ZNF385D: variants seen among roughly 807,000 people sequenced by gnomAD.
ZNF385D encodes zinc finger protein 659.
Under a neutral mutation model 35.8 loss-of-function variants are expected in ZNF385D, and 15 were observed. That is an observed-to-expected ratio of 0.42 (90% CI 0.28 to 0.64). The LOEUF (loss-of-function observed/expected upper bound fraction) is 0.64, where lower values mean the gene tolerates loss of function less well. ZNF385D is among the 30% of genes least tolerant of loss of function. The pLI, the probability that ZNF385D is intolerant of heterozygous loss-of-function variation, is 0.23. For missense variants in ZNF385D, 474 were observed against 494.6 expected (o/e 0.96, Z 0.39); for synonymous variants, 212 against 186.8 (o/e 1.13, Z -1.10).
In ZNF385D at chr3:21,812,973, TG is replaced by T. The variant is rs578215629; in HGVS notation, c.326-147946del. 2.1e-3 allele frequency among the ~76,000 whole-genome samples: 325 copies of T among 152,222 alleles called. 1 individual carries two copies. The highest frequency in any genetic ancestry group is 3.0e-3 in the Non-Finnish European group (204 of 67,992). ...CGGGCCAACTGACACCTCATACAGC[TG>T]GGTGCGCCTCTGAGATGAAGCTTCC... On this transcript the variant is annotated intron_variant, in intron 3 of 5. Transcript: ENST00000494108.
chr3:21,875,372 A>G (rs1249022863), intron 3 of ZNF385D, among the ~76,000 whole-genome samples: 1 of 151,636 alleles, frequency 6.6e-6, no homozygotes, highest in Non-Finnish European at 1.5e-5. Context: ...TTCTTCTTTC[A>G]TTGTTTTTCT....
At chr3:22,295,932 G>T (rs1702552677) in intron 2 of ZNF385D, among the ~76,000 whole-genome samples, 1 of 152,006 alleles carries the variant, frequency 6.6e-6, no homozygotes, top group Admixed American at 6.6e-5. Context: ...AAAAGAAACA[G>T]GAGAAAGTCG....
At chr3:21,629,510 C>A (rs534388746) in intron 2 of ZNF385D, among the ~76,000 whole-genome samples, 2 of 152,282 alleles carry the variant, frequency 1.3e-5, no homozygotes, top group South Asian at 2.1e-4. Context: ...AAAATGACTA[C>A]TTGCCCAAGT....
chr3:22,307,681 TTTAC>T (rs1703305521), intron 2 of ZNF385D, among the ~76,000 whole-genome samples: 1 of 151,946 alleles, frequency 6.6e-6, no homozygotes, highest in African/African-American at 2.4e-5. Context: ...AAGATATTTA[TTTAC>T]TTGTTTGTTC....
intron 3 of ZNF385D, among the ~76,000 whole-genome samples, chr3:21,920,446 T>C (rs1373508371): frequency 6.6e-6 from 1 of 152,128 alleles, no homozygotes; most frequent in African/African-American, 2.4e-5. Flanking sequence ...TGTACAGATA[T>C]TACAGACAGA....
chr3:22,301,950 A>G (rs1474494834), intron 2 of ZNF385D, among the ~76,000 whole-genome samples: 3 of 151,968 alleles, frequency 2.0e-5, no homozygotes, highest in African/African-American at 4.8e-5. Flanking sequence ...TCTTCTTCAT[A>G]TTGTTTCACT....
intron 2 of ZNF385D, among the ~76,000 whole-genome samples, chr3:22,171,113 T>TG (rs34172756): frequency 0.39 from 59,054 of 151,924 alleles, 11,981 homozygotes; most frequent in African/African-American, 0.51. Context: ...CCATTTATTA[T>TG]GAAAAAATAA....
chr3:22,038,399 C>T (rs1698465311), intron 3 of ZNF385D, among the ~76,000 whole-genome samples: 1 of 152,128 alleles, frequency 6.6e-6, no homozygotes, highest in South Asian at 2.1e-4. Flanking sequence ...CCTAATTTTT[C>T]TTGGCCTCAG....
At chr3:22,163,987 C>A (rs1025932720) in intron 3 of ZNF385D, among the ~76,000 whole-genome samples, 1 of 152,060 alleles carries the variant, frequency 6.6e-6, no homozygotes, top group Non-Finnish European at 1.5e-5. Context: ...AACAAATGAC[C>A]ACTAATAACT....
intron 4 of ZNF385D, among the ~76,000 whole-genome samples, chr3:21,437,707 A>AAAAAAAAAAAAAAAAAAAAAAAAC (rs1701636879): frequency 7.2e-6 from 1 of 138,184 alleles, no homozygotes; most frequent in Non-Finnish European, 1.5e-5. Flanking sequence ...TATACAAAAA[A>AAAAAAAAAAAAAAAAAAAAAAAAC]AAAAAAAAAA....
intron 2 of ZNF385D, among the ~76,000 whole-genome samples, chr3:22,330,457 T>C (rs1694882788): frequency 6.6e-6 from 1 of 152,210 alleles, no homozygotes; most frequent in African/African-American, 2.4e-5. Context: ...TGAGTTATTT[T>C]TGTTGATGTC....
At chr3:22,331,879 G>A (rs965956042) in intron 2 of ZNF385D, among the ~76,000 whole-genome samples, 2 of 152,090 alleles carry the variant, frequency 1.3e-5, no homozygotes, top group Admixed American at 1.3e-4. Context: ...AATTTCTATA[G>A]TAACTTTCAA....
At chr3:22,201,110 G>GT (rs1347714307) in intron 2 of ZNF385D, among the ~76,000 whole-genome samples, 1 of 152,164 alleles carries the variant, frequency 6.6e-6, no homozygotes, top group Non-Finnish European at 1.5e-5. Flanking sequence ...GATTGGGGAA[G>GT]TGATAAGTGT....
At chr3:22,109,572 G>GT (rs1314793959) in intron 3 of ZNF385D, among the ~76,000 whole-genome samples, 1 of 152,188 alleles carries the variant, frequency 6.6e-6, no homozygotes, top group Non-Finnish European at 1.5e-5. Flanking sequence ...AGATGAAGAA[G>GT]TGAAGGTGAA....
chr3:22,049,310 A>AATAAAATAAAATAAC (rs1201292762), intron 3 of ZNF385D, among the ~76,000 whole-genome samples: 4 of 151,498 alleles, frequency 2.6e-5, no homozygotes, highest in Non-Finnish European at 5.9e-5. Flanking sequence ...AATAAAATAA[A>AATAAAATAAAATAAC]ATAAAATAAA....
intron 2 of ZNF385D, among the ~76,000 whole-genome samples, chr3:22,177,596 T>C (rs890412847): frequency 1.3e-5 from 2 of 152,176 alleles, no homozygotes; most frequent in African/African-American, 4.8e-5. Flanking sequence ...TTTTTTATTA[T>C]TATACTTTTA....
At chr3:21,453,317 TC>T (rs1166045082) in intron 4 of ZNF385D, among the ~76,000 whole-genome samples, 1 of 151,956 alleles carries the variant, frequency 6.6e-6, no homozygotes, top group Admixed American at 6.6e-5. Context: ...GGCAATGGTT[TC>T]TTAAAATGGA....
At chr3:21,963,457 T>C (rs1238179169) in intron 3 of ZNF385D, among the ~76,000 whole-genome samples, 2 of 152,184 alleles carry the variant, frequency 1.3e-5, no homozygotes, top group Admixed American at 1.3e-4. Context: ...ACTGCTTCTA[T>C]CATTATCCAA....
chr3:22,219,768 T>A (rs1298487651), intron 2 of ZNF385D, among the ~76,000 whole-genome samples: 1 of 152,152 alleles, frequency 6.6e-6, no homozygotes, highest in Non-Finnish European at 1.5e-5. Flanking sequence ...TGAATAAAGA[T>A]TTTGAATAGT....
Sources: allele counts gnomAD v4.1 joint callset (sites outside exome capture counted in the v4.1 genomes callset), GRCh38; gene constraint gnomAD v4.1.1; transcripts MANE v1.5; gene names NCBI Gene and HGNC (gene_info 2026-07-23, HGNC 2026-07-21).